NRG1: variants seen among roughly 807,000 people sequenced by gnomAD.
NRG1 encodes neuregulin 1.
NRG1 carries 18 observed loss-of-function variants against 63.8 expected under a neutral mutation model. The ratio of observed to expected loss-of-function variants is 0.28; its 90% CI spans 0.19 to 0.42. The LOEUF is 0.42. NRG1 is among the 10% of genes least tolerant of loss of function. The probability of loss-of-function intolerance (pLI) is 1.00; values close to 1 mark genes in which losing one functional copy is unlikely to be tolerated. For synonymous variants in NRG1, 302 were observed against 301.3 expected (o/e 1.00, Z -0.02); for missense variants, 762 against 814.7 (o/e 0.94, Z 0.79).
intron 1 of NRG1, among the ~76,000 whole-genome samples, chr8:31,650,565 C>A (rs1029637167): frequency 6.6e-6 from 1 of 152,174 alleles, no homozygotes; most frequent in Non-Finnish European, 1.5e-5. Flanking sequence ...CAGCTCAAAT[C>A]CTACTGCTTC....
intron 1 of NRG1, among the ~76,000 whole-genome samples, chr8:32,345,543 C>T (rs931576324): frequency 2.0e-5 from 3 of 152,152 alleles, no homozygotes; most frequent in Non-Finnish European, 1.5e-5. Flanking sequence ...CTTAAAAAGA[C>T]CCTCTTCTCC....
chr8:31,724,006 C>T (rs1352699326), intron 1 of NRG1, among the ~76,000 whole-genome samples: 1 of 152,040 alleles, frequency 6.6e-6, no homozygotes, highest in East Asian at 1.9e-4. Flanking sequence ...TTTGCTTGGT[C>T]ACTTTTCTTA....
intron 1 of NRG1, among the ~76,000 whole-genome samples, chr8:32,233,023 C>T (rs1239994416): frequency 6.6e-6 from 1 of 152,128 alleles, no homozygotes; most frequent in African/African-American, 2.4e-5. Flanking sequence ...AATTGCATTT[C>T]TATGTATGCC....
intron 1 of NRG1, among the ~76,000 whole-genome samples, chr8:31,861,566 G>T (rs1036051475): frequency 6.6e-5 from 10 of 152,106 alleles, no homozygotes; most frequent in African/African-American, 2.4e-4. Flanking sequence ...TCACATAGGG[G>T]TCATCACAAC....
Position 32,738,608 on chromosome 8 carries a change from T to G in NRG1, c.633-4067T>G, listed in dbSNP as rs192741041. Among the ~76,000 whole-genome samples, 26 of 152,314 alleles carry G rather than the reference T, an allele frequency of 1.7e-4. No homozygotes were observed. In the East Asian group the frequency reaches 4.6e-3, roughly 27 times the overall value. On this transcript the variant is annotated intron_variant, in intron 6 of 11. Coordinates refer to ENST00000356819, the Ensembl canonical transcript of NRG1. ...TCTTATCTTCCAGGAAAGTGATGGA[T>G]TGAATGTTTAACATACAATGTTGAT...
intron 2 of NRG1, among the ~76,000 whole-genome samples, chr8:32,601,451 C>T (rs572482615): frequency 1.5e-4 from 23 of 152,274 alleles, no homozygotes; most frequent in Middle Eastern, 6.8e-3. Flanking sequence ...ACACCCTATA[C>T]ATTTTTGAAT....
At chr8:31,793,688 A>T (rs1820925157) in intron 1 of NRG1, among the ~76,000 whole-genome samples, 1 of 152,186 alleles carries the variant, frequency 6.6e-6, no homozygotes, top group Non-Finnish European at 1.5e-5. Context: ...AAACAAACAA[A>T]AACAAAGCTA....
chr8:32,453,588 C>A (rs1056979851), intron 1 of NRG1, among the ~76,000 whole-genome samples: 3 of 152,102 alleles, frequency 2.0e-5, no homozygotes, highest in Non-Finnish European at 4.4e-5. Context: ...AAAGAGTGAA[C>A]TATAAATGTC....
intron 1 of NRG1, among the ~76,000 whole-genome samples, chr8:32,017,290 G>A (rs1363034520): frequency 6.6e-6 from 1 of 152,208 alleles, no homozygotes; most frequent in African/African-American, 2.4e-5. Flanking sequence ...TGGAAAAACT[G>A]TATTGTAGAC....
chr8:31,946,243 A>G (rs1427977365), intron 1 of NRG1, among the ~76,000 whole-genome samples: 2 of 152,220 alleles, frequency 1.3e-5, no homozygotes, highest in Non-Finnish European at 2.9e-5. Flanking sequence ...CAGAAGCTAT[A>G]TGTAACAATG....
chr8:31,925,136 G>A (rs367641265), intron 1 of NRG1, among the ~76,000 whole-genome samples: 1 of 4,344 alleles, frequency 2.3e-4, no homozygotes. Flanking sequence ...ATATATATGT[G>A]TGTGTGTGTG....
At chr8:32,710,427 G>C (rs931660879) in intron 5 of NRG1, among the ~76,000 whole-genome samples, 4 of 152,070 alleles carry the variant, frequency 2.6e-5, no homozygotes, top group Admixed American at 1.3e-4. Flanking sequence ...TATTGCACAG[G>C]CATCATAACT....
chr8:32,027,466 TTCCC>T (rs71208162), intron 1 of NRG1, among the ~76,000 whole-genome samples: 15 of 60,858 alleles, frequency 2.5e-4, no homozygotes, highest in Non-Finnish European at 3.6e-4. Flanking sequence ...CCTTCCTTCC[TTCCC>T]TCCCTCCCTC....
chr8:32,310,992 C>T (rs1293750105), intron 1 of NRG1, among the ~76,000 whole-genome samples: 1 of 152,126 alleles, frequency 6.6e-6, no homozygotes. Flanking sequence ...CATGGTCTTC[C>T]TAAATACCTC....
At position 31,640,390 on chromosome 8, in the gene NRG1, G is replaced by A. The variant is rs1306310067; in HGVS notation, c.37+959G>A. On this transcript the variant is annotated intron_variant, in intron 1 of 10. Coordinates refer to the NRG1 transcript ENST00000519301. This position sits in a 1 kb window ranked among gnomAD's most constrained non-coding sequence, Gnocchi z 6.3. ...GCCCGCCGAGGAGCCGCTGCTCGCC[G>A]CCAACGGGACCGTGCCCTCTTGGCC... is the stretch of plus-strand genomic sequence containing the variant. 5.2e-6 allele frequency: 7 copies of A among 1,345,180 alleles called. No homozygotes were observed. The highest frequency in any genetic ancestry group is 4.6e-5 in the African/African-American group (3 of 65,718). The allele number at this position is 1,345,180 out of a possible 1,614,324, so 83.3% of individuals were successfully genotyped here.
At chr8:32,035,325 T>C (rs1818867292) in intron 1 of NRG1, among the ~76,000 whole-genome samples, 1 of 152,184 alleles carries the variant, frequency 6.6e-6, no homozygotes, top group South Asian at 2.1e-4. Flanking sequence ...TTATTTCAGT[T>C]CTTTTGCATT....
intron 1 of NRG1, among the ~76,000 whole-genome samples, chr8:32,463,115 G>C (rs568414085): frequency 8.6e-5 from 13 of 151,342 alleles, no homozygotes; most frequent in Non-Finnish European, 1.5e-5. Context: ...CATTCATGTT[G>C]TTGCAAATGC....
chr8:32,243,653 C>T (rs74994307), intron 1 of NRG1, among the ~76,000 whole-genome samples: 5 of 152,078 alleles, frequency 3.3e-5, no homozygotes, highest in East Asian at 3.9e-4. Flanking sequence ...AGACTTCATA[C>T]GCAATGCTGT....
intron 1 of NRG1, among the ~76,000 whole-genome samples, chr8:32,523,022 G>T (rs1228098767): frequency 6.6e-6 from 1 of 152,044 alleles, no homozygotes; most frequent in Non-Finnish European, 1.5e-5. Flanking sequence ...GGCTGGTCTT[G>T]ATCTCCTGTG....
Sources: allele counts gnomAD v4.1 joint callset (sites outside exome capture counted in the v4.1 genomes callset), GRCh38; gene constraint gnomAD v4.1.1; non-coding constraint Gnocchi (gnomAD v3.1); transcripts MANE v1.5; gene names NCBI Gene and HGNC (gene_info 2026-07-23, HGNC 2026-07-21).